SESN2: variants seen among roughly 807,000 people sequenced by gnomAD.
The protein encoded by SESN2 is sestrin-2.
SESN2 carries 42 observed loss-of-function variants against 56.0 expected under a neutral mutation model. That is an observed-to-expected ratio of 0.75 (90% confidence interval 0.59 to 0.97). The LOEUF is 0.97. SESN2 is among the 50% of genes least tolerant of loss of function. The pLI, the probability that SESN2 is intolerant of heterozygous loss-of-function variation, is 0.00. For missense variants in SESN2, 507 were observed against 649.4 expected (o/e 0.78, Z 2.38); for synonymous variants, 264 against 267.1 (o/e 0.99, Z 0.11).
intron 8 of SESN2, among the ~76,000 whole-genome samples, chr1:28,277,144 T>A (rs948157893): frequency 6.6e-6 from 1 of 150,644 alleles, no homozygotes; most frequent in African/African-American, 2.4e-5. Context: ...CCTGACCTCA[T>A]GATCCGCCCA....
chr1:28,280,763 G>A lies in SESN2; in HGVS notation c.1404G>A (p.Leu468=), dbSNP rs1208859741. The change falls in exon 10 of 10, where the codon CTG becomes CTA. Residue 468 remains leucine, a synonymous_variant. Transcript: ENST00000253063. ...TGGAGGCGCGCATGCAAGCCGCTCT[G>A]CTGTACGCCCTCCGTGCCATCACCC... ...LLLEARMQAA[L]LYALRAITRY... 6.2e-7 allele frequency: 1 copy of A among 1,613,720 alleles called. No individual in the cohort carries two copies. The highest frequency in any genetic ancestry group is 2.2e-5 in the East Asian group (1 of 44,882).
chr1:28,271,634 C>A, intron 2 of SESN2, 40 bp from the exon 3 acceptor site: 1 of 1,518,424 alleles, frequency 6.6e-7, no homozygotes, highest in Non-Finnish European at 9.1e-7. Flanking sequence ...ATGAGTGGGG[C>A]AGGAGGGAAA....
At chr1:28,260,874 A>G (rs1647352479) in intron 1 of SESN2, among the ~76,000 whole-genome samples, 1 of 152,168 alleles carries the variant, frequency 6.6e-6, no homozygotes, top group Middle Eastern at 3.4e-3. Flanking sequence ...CCAGGCTCTG[A>G]GTTTTTTTCG....
At chr1:28,275,248 T>C (rs541352951) in intron 8 of SESN2, among the ~76,000 whole-genome samples, 1 of 152,202 alleles carries the variant, frequency 6.6e-6, no homozygotes, top group South Asian at 2.1e-4. Flanking sequence ...TATGTACATA[T>C]ATATACACAC....
chr1:28,264,671 TAAATTA>T (rs1361731195), intron 1 of SESN2, among the ~76,000 whole-genome samples: 2 of 152,184 alleles, frequency 1.3e-5, no homozygotes, highest in African/African-American at 4.8e-5. Context: ...TAAATTTAGA[TAAATTA>T]AAATTAAATA....
chr1:28,274,891 C>T lies in SESN2; in HGVS notation c.1087C>T (p.Leu363=), dbSNP rs1647966790. The T allele has an allele frequency of 1.2e-6, 2 of 1,614,064 alleles. No individual in the cohort carries two copies. The highest frequency in any genetic ancestry group is 1.7e-6 in the Non-Finnish European group (2 of 1,180,018). ...QRLYPEGGQL[L]DEKFQAAYSL... is the part of the protein sequence containing the mutation. ...GCTTTACCCTGAGGGTGGGCAGCTG[C>T]TGGATGAGAAGTTCCAGGCAGCCTA... The change falls in exon 8 of 10, where the codon CTG becomes TTG. Residue 363 remains leucine (L), a synonymous_variant. Transcript: ENST00000253063.
Position 28,282,429 on chromosome 1 carries a change from C to G in SESN2, c.*1627C>G, listed in dbSNP as rs977707687. 1 of 152,220 alleles carries G rather than the reference C, an allele frequency of 6.6e-6. No homozygotes were observed. Among genetic ancestry groups the G allele is most frequent in the African/African-American group, 2.4e-5 (1 of 41,430 alleles). The allele number at this position is 152,220 out of a possible 1,614,324, so 9.4% of individuals were successfully genotyped here. ...GTATCCAGTGTTCAAGTGCAGAAAT[C>G]TTTGGCTTTGCTACCAGTTCCATAT... is the stretch of plus-strand genomic sequence containing the variant. On this transcript the variant is annotated 3_prime_UTR_variant, in exon 10 of 10. Coordinates refer to ENST00000253063, the MANE Select transcript of SESN2 (RefSeq NM_031459.5).
chr1:28,271,772 G>A lies in SESN2; in HGVS notation c.255G>A (p.Leu85=). The change falls in exon 3 of 10, where the codon CTG becomes CTA. Residue 85 remains leucine, a synonymous_variant. Coordinates refer to ENST00000253063, the MANE Select transcript of SESN2 (RefSeq NM_031459.5). ...RVDNLAVVMG[L]HPDYFTSFWR... is the part of the protein sequence containing the mutation. ...ACAACCTGGCAGTGGTGATGGGCCT[G>A]CACCCTGACTACTTTACCAGCTTCT... 1 of 1,614,160 alleles carries A rather than the reference G, an allele frequency of 6.2e-7. No homozygotes were observed. The highest frequency in any genetic ancestry group is 8.5e-7 in the Non-Finnish European group (1 of 1,179,992).
At chr1:28,262,621 C>CAA (rs71027268) in intron 1 of SESN2, among the ~76,000 whole-genome samples, 1,188 of 52,310 alleles carry the variant, frequency 0.023, 69 homozygotes, top group African/African-American at 0.048. Flanking sequence ...GAGTCTGTCT[C>CAA]AAAAAAAAAA....
At position 28,271,877 on chromosome 1, in the gene SESN2, C is replaced by CCT. The variant is rs747073946; in HGVS notation, c.354+11_354+12dup. ...GCCACTACATTGCCATCATGGTGAG[C>CCT]CTCTCTGGGCCTGACACTTGGAGAG... On this transcript the variant is annotated splice_region_variant and intron_variant, in intron 3 of 9. Transcript: ENST00000253063. 4.3e-6 allele frequency: 7 copies of CCT among 1,613,684 alleles called. No homozygotes were observed. In the Admixed American group the frequency reaches 1.2e-4, roughly 27 times the overall value.
At chr1:28,272,908 C>T in intron 5 of SESN2, 115 bp downstream of exon 5, 1 of 638,046 alleles carries the variant, frequency 1.6e-6, no homozygotes, top group South Asian at 2.0e-5. Context: ...TATGAGAGAC[C>T]ATAGAAAAGT....
chr1:28,269,636 C>A (rs1349730839), intron 2 of SESN2, among the ~76,000 whole-genome samples: 1 of 152,086 alleles, frequency 6.6e-6, no homozygotes, highest in Non-Finnish European at 1.5e-5. Flanking sequence ...TTAAAAATTT[C>A]CATTGTTTCA....
chr1:28,280,179 C>T (rs1176807840), intron 9 of SESN2, among the ~76,000 whole-genome samples: 1 of 152,102 alleles, frequency 6.6e-6, no homozygotes, highest in Non-Finnish European at 1.5e-5. Context: ...ATCCTCTCAC[C>T]TCAGCCTCCC....
At chr1:28,264,049 A>C (rs1014430190) in intron 1 of SESN2, among the ~76,000 whole-genome samples, 33 of 145,160 alleles carry the variant, frequency 2.3e-4, no homozygotes, top group Admixed American at 1.5e-3. Context: ...ACACAGTGAG[A>C]CCTCATCTCT....
chr1:28,263,838 ACT>A (rs557782841), intron 1 of SESN2, among the ~76,000 whole-genome samples: 23 of 151,804 alleles, frequency 1.5e-4, no homozygotes, highest in Non-Finnish European at 2.8e-4. Flanking sequence ...CAAAATAGAG[ACT>A]CTGCCGCCGC....
intron 1 of SESN2, among the ~76,000 whole-genome samples, chr1:28,267,846 C>A (rs1572093154): frequency 6.6e-6 from 1 of 152,296 alleles, no homozygotes; most frequent in Non-Finnish European, 1.5e-5. Flanking sequence ...CTTTCTCTGT[C>A]TTCATTCACA....
intron 9 of SESN2, 90 bp downstream of exon 9, chr1:28,279,331 A>G: frequency 7.2e-7 from 1 of 1,384,222 alleles, no homozygotes; most frequent in South Asian, 1.3e-5. Flanking sequence ...GAGTCCCCAG[A>G]CTGAGTCTGT....
At chr1:28,277,918 C>T (rs1321574813) in intron 8 of SESN2, among the ~76,000 whole-genome samples, 1 of 152,182 alleles carries the variant, frequency 6.6e-6, no homozygotes, top group Non-Finnish European at 1.5e-5. Flanking sequence ...CCCTCAGGTC[C>T]AGGCTTCTCT....
chr1:28,272,442 G>A lies in SESN2; in HGVS notation c.513G>A (p.Trp171Ter). 1 of 1,613,214 alleles carries A rather than the reference G, an allele frequency of 6.2e-7. No individual in the cohort carries two copies. The highest frequency in any genetic ancestry group is 8.5e-7 in the Non-Finnish European group (1 of 1,179,992). ...ACAAGTTGCTGGCGCATCGGCCATG[G>A]CTCATCACCAAGGAACACATCCAGG... ...EINKLLAHRPWLITKEHIQAL... is the reference protein window; with the variant it reads ...EINKLLAHRP Residue 171 changes from tryptophan (W) to a stop codon, truncating the protein, a stop_gained, in exon 4 of 10, where the codon TGG (tryptophan) becomes TGA (stop). Transcript: ENST00000253063. LOFTEE classifies it high-confidence loss of function.
Sources: gnomAD v4.1 joint callset for allele counts (sites outside exome capture counted in the v4.1 genomes callset) on GRCh38, gnomAD v4.1.1 for gene constraint, MANE v1.5 for transcripts, NCBI Gene and HGNC (gene_info 2026-07-23, HGNC 2026-07-21) for gene names.